The following MAP2K5 variants were observed in gnomAD, a reference collection of about 807,000 sequenced individuals.
MAP2K5 encodes dual specificity mitogen-activated protein kinase kinase 5.
Under a neutral mutation model 83.1 loss-of-function variants are expected in MAP2K5, and 49 were observed. The observed-to-expected ratio is 0.59, with a 90% CI of 0.47 to 0.75. The LOEUF (loss-of-function observed/expected upper bound fraction) is 0.75, where lower values mean the gene tolerates loss of function less well. MAP2K5 is among the 30% of genes least tolerant of loss of function. The probability of loss-of-function intolerance (pLI) is 0.00; values close to 1 mark genes in which losing one functional copy is unlikely to be tolerated. For synonymous variants in MAP2K5, 202 were observed against 191.8 expected (o/e 1.05, Z -0.44); for missense variants, 457 against 557.5 (o/e 0.82, Z 1.82).
At chr15:67,761,958 A>G (rs766678826) in intron 19 of MAP2K5, among the ~76,000 whole-genome samples, 27 of 152,336 alleles carry the variant, frequency 1.8e-4, no homozygotes, top group South Asian at 4.1e-4. Context: ...AAAAAAGTTG[A>G]CCTGACCAGT....
At chr15:67,654,159 A>G (rs1311760643) in intron 11 of MAP2K5, among the ~76,000 whole-genome samples, 2 of 151,774 alleles carry the variant, frequency 1.3e-5, no homozygotes, top group African/African-American at 2.4e-5. Flanking sequence ...TGAGTTGTCT[A>G]TTTCTCCTTT....
intron 11 of MAP2K5, among the ~76,000 whole-genome samples, chr15:67,655,851 T>C (rs982393970): frequency 2.0e-5 from 3 of 152,216 alleles, no homozygotes; most frequent in African/African-American, 7.2e-5. Flanking sequence ...ATTAAGCATA[T>C]GTCCGTATGC....
chr15:67,673,038 A>G (rs1044864405), intron 13 of MAP2K5, among the ~76,000 whole-genome samples: 12 of 152,294 alleles, frequency 7.9e-5, no homozygotes, highest in Middle Eastern at 3.4e-3. Flanking sequence ...TTTTGGTACC[A>G]GTACCATGCT....
At chr15:67,557,264 A>T (rs2084647662) in intron 2 of MAP2K5, among the ~76,000 whole-genome samples, 1 of 152,174 alleles carries the variant, frequency 6.6e-6, no homozygotes, top group African/African-American at 2.4e-5. Context: ...TGACTGTTGG[A>T]TTGGTGTTCG....
chr15:67,629,589 T>A (rs1960377448), intron 8 of MAP2K5, among the ~76,000 whole-genome samples: 1 of 152,042 alleles, frequency 6.6e-6, no homozygotes, highest in African/African-American at 2.4e-5. Flanking sequence ...AAAGGGGAAG[T>A]TTAGGGGCTC....
intron 19 of MAP2K5, among the ~76,000 whole-genome samples, chr15:67,765,480 G>A (rs913647769): frequency 6.6e-5 from 10 of 152,178 alleles, no homozygotes; most frequent in Non-Finnish European, 1.0e-4. Context: ...CTTGTATGGG[G>A]GCGGGGAGTT....
At chr15:67,730,328 T>G (rs2089193137) in intron 17 of MAP2K5, among the ~76,000 whole-genome samples, 1 of 152,216 alleles carries the variant, frequency 6.6e-6, no homozygotes. Context: ...TTATGTCATT[T>G]GAACTCCTAC....
Position 67,638,086 on chromosome 15 carries a change from A to C in MAP2K5, c.585+7159A>C, listed in dbSNP as rs2086642484. ...ACTTTTAATTTAACTTTTTTAATTT[A>C]ACTTTTAAGGGGTACATGTGCAGGT... On this transcript the variant is annotated intron_variant, in intron 9 of 21. Coordinates refer to ENST00000178640, the MANE Select transcript of MAP2K5 (RefSeq NM_145160.3). This position sits in a 1 kb window ranked among gnomAD's most constrained non-coding sequence, Gnocchi z 4.5. 6.6e-6 allele frequency among the ~76,000 whole-genome samples: 1 copy of C among 152,028 alleles called. No homozygotes were observed. The highest frequency in any genetic ancestry group is 2.1e-4 in the South Asian group (1 of 4,828).
intron 1 of MAP2K5, among the ~76,000 whole-genome samples, chr15:67,545,688 T>A (rs912917624): frequency 6.6e-6 from 1 of 152,308 alleles, no homozygotes; most frequent in East Asian, 1.9e-4. Flanking sequence ...GGAGCCAGGT[T>A]GTTTAACTTG....
intron 16 of MAP2K5, among the ~76,000 whole-genome samples, chr15:67,723,656 G>A (rs995663661): frequency 4.0e-5 from 6 of 151,708 alleles, no homozygotes; most frequent in African/African-American, 1.2e-4. Context: ...AATCTTTTAC[G>A]ATGTGAGCTG....
rs374546618 is a variant in MAP2K5 at position 67,562,759 on chromosome 15, G to A, written c.185-524G>A. On this transcript the variant is annotated intron_variant, in intron 2 of 21. Transcript: ENST00000178640. This position sits in a 1 kb window ranked among gnomAD's most constrained non-coding sequence, Gnocchi z 4.1. Reference sequence around the variant, plus strand: ...GAATAATAATAATGATGTTCATGTCGCAGGTTTGTTATGAGGTTTTCAAGG... The same window carrying A: ...GAATAATAATAATGATGTTCATGTCACAGGTTTGTTATGAGGTTTTCAAGG... 5.9e-5 allele frequency among the ~76,000 whole-genome samples: 9 copies of A among 152,262 alleles called. No homozygotes were observed. The highest frequency in any genetic ancestry group is 1.2e-4 in the Non-Finnish European group (8 of 68,022).
At chr15:67,642,310 A>G in intron 9 of MAP2K5, 2 of 699,022 alleles carry the variant, frequency 2.9e-6, no homozygotes, top group Admixed American at 3.0e-5. Context: ...CACTACTGTG[A>G]GTTAGACCCT....
At chr15:67,795,945 C>A (rs973114807) in intron 21 of MAP2K5, among the ~76,000 whole-genome samples, 18 of 152,198 alleles carry the variant, frequency 1.2e-4, no homozygotes, top group South Asian at 8.3e-4. Flanking sequence ...CAAAGTATTT[C>A]TTTTGTCTTT....
intron 15 of MAP2K5, among the ~76,000 whole-genome samples, chr15:67,700,879 T>C (rs2088400366): frequency 6.6e-6 from 1 of 151,740 alleles, no homozygotes; most frequent in Non-Finnish European, 1.5e-5. Context: ...AGAGTTCTCT[T>C]ATTTGCCATC....
At position 67,770,639 on chromosome 15, in the gene MAP2K5, G is replaced by A. The variant is rs2090124140; in HGVS notation, c.1196+976G>A. Among the ~76,000 whole-genome samples, 1 of 152,202 alleles carries A rather than the reference G, an allele frequency of 6.6e-6. No homozygotes were observed. Among genetic ancestry groups the A allele is most frequent in the South Asian group, 2.1e-4 (1 of 4,828 alleles). On this transcript the variant is annotated intron_variant, in intron 20 of 21. Coordinates refer to ENST00000178640, the MANE Select transcript of MAP2K5 (RefSeq NM_145160.3). The surrounding 1 kb of genome is among the most constrained non-coding windows in gnomAD (Gnocchi z 5.0). ...CAGAAGAAACCCTTGGTTCTGTGGTGTGGCAAAGTAATGTTATCAGGATTC... is the reference window on the plus strand; with the variant it reads ...CAGAAGAAACCCTTGGTTCTGTGGTATGGCAAAGTAATGTTATCAGGATTC...
rs947031267 is a variant in MAP2K5, at chr15:67,676,411, C to G, written c.847+11766C>G. ...GAAGTCATCTTTTGTTCCCCTTTCT[C>G]GTATTAAAGTAAGAGATTTATCCTT... is the stretch of plus-strand genomic sequence containing the variant. On this transcript the variant is annotated intron_variant, in intron 13 of 21. Coordinates refer to ENST00000178640, the MANE Select transcript of MAP2K5 (RefSeq NM_145160.3). This position sits in a 1 kb window ranked among gnomAD's most constrained non-coding sequence, Gnocchi z 4.8. Among the ~76,000 whole-genome samples, 1 of 152,042 alleles carries G rather than the reference C, an allele frequency of 6.6e-6. No homozygotes were observed. The highest frequency in any genetic ancestry group is 1.5e-5 in the Non-Finnish European group (1 of 68,014).
intron 4 of MAP2K5, among the ~76,000 whole-genome samples, chr15:67,585,146 A>G (rs891444463): frequency 2.0e-5 from 3 of 151,944 alleles, no homozygotes; most frequent in Non-Finnish European, 2.9e-5. Context: ...GCCCCTTAAC[A>G]TACAATTTGT....
rs572387519 is a variant in MAP2K5, at chr15:67,682,223, T to G, written c.848-10256T>G. Among the ~76,000 whole-genome samples, 562 of 140,854 alleles carry G rather than the reference T, an allele frequency of 4.0e-3. 4 individuals are homozygous for G. Among genetic ancestry groups the G allele is most frequent in the African/African-American group, 0.014 (531 of 37,728 alleles). The allele number at this position is 140,854 out of a possible 152,430, so 92.4% of individuals were successfully genotyped here. A position where few individuals can be genotyped will look rare whatever the true frequency, so the allele number is the denominator to read the frequency against. On this transcript the variant is annotated intron_variant, in intron 13 of 21. Coordinates refer to ENST00000178640, the MANE Select transcript of MAP2K5 (RefSeq NM_145160.3). ...AATCATTTCAGTGTTTCTAGAGCTA[T>G]TTTTTTTTTTTTAAGATAGAGTCTT...
chr15:67,628,301 G>A lies in MAP2K5; in HGVS notation c.546-2587G>A, dbSNP rs1339463051. On this transcript the variant is annotated intron_variant, in intron 8 of 21. Coordinates refer to ENST00000178640, the MANE Select transcript of MAP2K5 (RefSeq NM_145160.3). Reference sequence around the variant, plus strand: ...TTGAGACCAGCCTGGCCAACATGGTGAAACCCCGTCTCTACTAAAAATACA... The same window carrying A: ...TTGAGACCAGCCTGGCCAACATGGTAAAACCCCGTCTCTACTAAAAATACA... 1.2e-5 allele frequency: 6 copies of A among 512,874 alleles called. 1 individual carries two copies. The highest frequency in any genetic ancestry group is 2.1e-5 in the Non-Finnish European group (6 of 286,720). The allele number at this position is 512,874 out of a possible 1,614,324, so 31.8% of individuals were successfully genotyped here. A position where few individuals can be genotyped will look rare whatever the true frequency, so the allele number is the denominator to read the frequency against.
Sources: allele counts gnomAD v4.1 joint callset (sites outside exome capture counted in the v4.1 genomes callset), GRCh38; gene constraint gnomAD v4.1.1; non-coding constraint Gnocchi (gnomAD v3.1); transcripts MANE v1.5; gene names NCBI Gene and HGNC (gene_info 2026-07-23, HGNC 2026-07-21).